COL5A3: variants seen among roughly 807,000 people sequenced by gnomAD.
The protein encoded by COL5A3 is collagen alpha-3(V) chain.
In COL5A3, 172 loss-of-function variants were observed where a neutral mutation model predicts 250.0. That is an observed-to-expected ratio of 0.69 (90% CI 0.61 to 0.78). The LOEUF (loss-of-function observed/expected upper bound fraction) is 0.78. Ranked by LOEUF, COL5A3 falls within the 30% of genes least tolerant of loss-of-function variation. COL5A3 has a pLI of 0.00. For missense variants in COL5A3, 2,340 were observed against 2,334.4 expected (o/e 1.00, Z -0.05); for synonymous variants, 937 against 900.4 (o/e 1.04, Z -0.73).
intron 19 of COL5A3, 111 bp from the exon 20 acceptor site, chr19:9,993,178 T>G: frequency 1.6e-6 from 2 of 1,251,910 alleles, no homozygotes; most frequent in Non-Finnish European, 2.3e-6. Flanking sequence ...CCAGGATCCC[T>G]GGGAACCTGC....
Position 9,968,038 on chromosome 19 carries a change from G to T in COL5A3, c.4356C>A (p.Pro1452=). The change falls in exon 60 of 67, where the codon CCC becomes CCA. Residue 1452 remains proline, a synonymous_variant. Coordinates refer to ENST00000264828, the MANE Select transcript of COL5A3 (RefSeq NM_015719.4). The surrounding 1 kb of genome is among the most constrained non-coding windows in gnomAD (Gnocchi z 4.1). ...CCTGCATACTCACCGCCACACCTGGGGGCCCAGGGTGGCCCAGAGAGCCAA... is the reference window on the plus strand; with the variant it reads ...CCTGCATACTCACCGCCACACCTGGTGGCCCAGGGTGGCCCAGAGAGCCAA... ...GPIGSLGHPG[P]PGVAGPLGQK... The T allele has an allele frequency of 1.9e-6, 3 of 1,590,836 alleles. No individual in the cohort carries two copies. The highest frequency in any genetic ancestry group is 2.6e-6 in the Non-Finnish European group (3 of 1,173,752).
At position 9,974,413 on chromosome 19, in the gene COL5A3, A is replaced by G. The variant is rs757453010; in HGVS notation, c.3343-5T>C. The G allele has an allele frequency of 6.3e-7, 1 of 1,576,310 alleles. No individual in the cohort carries two copies. The highest frequency in any genetic ancestry group is 1.2e-5 in the South Asian group (1 of 84,782). ...CCCCTGAGCCCCGTCTGCTCCCTGGAAGAACACAAACAGGGGCACATTTAA... is the reference window on the plus strand; with the variant it reads ...CCCCTGAGCCCCGTCTGCTCCCTGGGAGAACACAAACAGGGGCACATTTAA... On this transcript the variant is annotated splice_polypyrimidine_tract_variant and splice_region_variant and intron_variant, in intron 45 of 66. Transcript: ENST00000264828.
At chr19:9,964,425 C>T (rs1449784417) in intron 64 of COL5A3, among the ~76,000 whole-genome samples, 1 of 152,036 alleles carries the variant, frequency 6.6e-6, no homozygotes, top group East Asian at 1.9e-4. Flanking sequence ...CATAGTGAGA[C>T]CCTCATCTCT....
rs2145120289 is a variant in COL5A3, at chr19:9,991,651, G to T, written c.1951C>A (p.Leu651Ile). Residue 651 changes from leucine (L) to isoleucine (I), a missense_variant, in exon 24 of 67, where the codon CTC (leucine) becomes ATC (isoleucine). By Grantham distance (5) the Leu-to-Ile change is conservative. Transcript: ENST00000264828. The stretch of plus-strand genomic sequence containing the variant: ...CCAATGAGTCCCTGGGGACCGGGGA[G>T]TCCCTGGAGACAGAAAAAGAAGATG... ...GQQGNHGSQG[L>I]PGPQGLIGTP... 1 of 1,611,818 alleles carries T rather than the reference G, an allele frequency of 6.2e-7. No homozygotes were observed. Among genetic ancestry groups the T allele is most frequent in the East Asian group, 2.2e-5 (1 of 44,782 alleles).
Position 9,960,770 on chromosome 19 carries a change from G to C in COL5A3, c.4972C>G (p.Leu1658Val), listed in dbSNP as rs1175742072. 9 of 1,613,910 alleles carry C rather than the reference G, an allele frequency of 5.6e-6. No homozygotes were observed. Among genetic ancestry groups the C allele is most frequent in the African/African-American group, 1.3e-5 (1 of 74,908 alleles). ...CTGTAGTCACCCGTGGCTTCGTCCA[G>C]CCAGGCAGCTGCATTCTGGCAGGAG... ...TYSCQNAAAW[L>V]DEATGDYSHS... is the part of the protein sequence containing the mutation. The change falls in exon 66 of 67, where the codon CTG becomes GTG. Residue 1658 changes from leucine (L) to valine (V), a missense_variant. Transcript: ENST00000264828.
At chr19:9,960,975 G>A in intron 65 of COL5A3, 85 bp from the exon 66 acceptor site, 1 of 1,525,380 alleles carries the variant, frequency 6.6e-7, no homozygotes, top group East Asian at 2.3e-5. Context: ...TCCATCCACT[G>A]GCAGACAAGC....
chr19:9,964,529 A>T (rs59985791), intron 64 of COL5A3, among the ~76,000 whole-genome samples: 5,786 of 152,076 alleles, frequency 0.038, 345 homozygotes, highest in African/African-American at 0.13. Context: ...CATTGAACCC[A>T]GGAGGTTAAG....
In COL5A3 at chr19:9,993,394, C is replaced by T. The variant is rs758934853; in HGVS notation, c.1735G>A (p.Glu579Lys). The change falls in exon 19 of 67, where the codon GAG becomes AAG. Residue 579 changes from glutamate to lysine, a missense_variant. Transcript: ENST00000264828. ...TCCAAACTTACCCTCTCACCATCCTCTCCTGGGGGACCGGGTTGCCCCACA... is the reference window on the plus strand; with the variant it reads ...TCCAAACTTACCCTCTCACCATCCTTTCCTGGGGGACCGGGTTGCCCCACA... ...GHVGQPGPPGEDGERGAEGPP... is the reference protein window; with the variant it reads ...GHVGQPGPPGKDGERGAEGPP... 16 of 1,614,186 alleles carry T rather than the reference C, an allele frequency of 9.9e-6. No homozygotes were observed. The highest frequency in any genetic ancestry group is 2.2e-5 in the East Asian group (1 of 44,882).
chr19:9,961,570 T>TTC (rs1034034305), intron 65 of COL5A3, among the ~76,000 whole-genome samples: 1 of 150,200 alleles, frequency 6.7e-6, no homozygotes, highest in African/African-American at 2.5e-5. Flanking sequence ...TTTTTTTTTT[T>TTC]TTTTTTGAGA....
intron 64 of COL5A3, among the ~76,000 whole-genome samples, chr19:9,965,943 C>A (rs1272374079): frequency 6.6e-6 from 1 of 152,152 alleles, no homozygotes; most frequent in African/African-American, 2.4e-5. Flanking sequence ...AAAGGATCCT[C>A]CCGCCTCAGT....
At chr19:9,989,412 T>G in intron 25 of COL5A3, 46 bp from the exon 26 acceptor site, 1 of 1,613,946 alleles carries the variant, frequency 6.2e-7, no homozygotes, top group Non-Finnish European at 8.5e-7. Context: ...AACTTGCCAT[T>G]CCAATTCCCA....
rs980741820 is a variant in COL5A3, at chr19:9,966,553, T to C, written c.4652A>G (p.His1551Arg). The C allele has an allele frequency of 6.5e-7, 1 of 1,540,376 alleles. No individual in the cohort carries two copies. The highest frequency in any genetic ancestry group is 1.4e-5 in the African/African-American group (1 of 72,742). Reference protein sequence around the residue: ...GLVCHELHRNHPHLPDGEYWI... With the variant: ...GLVCHELHRNRPHLPDGEYWI... Reference sequence around the variant, plus strand: ...GACCTCACCATCAGGCAGGTGCGGGTGGTTGCGGTGCAGCTCGTGGCACAC... The same window carrying C: ...GACCTCACCATCAGGCAGGTGCGGGCGGTTGCGGTGCAGCTCGTGGCACAC... The change falls in exon 63 of 67, where the codon CAC (histidine) becomes CGC (arginine). Residue 1551 changes from histidine to arginine, a missense_variant. Transcript: ENST00000264828.
Position 9,979,370 on chromosome 19 carries a change from G to T in COL5A3, c.2760C>A (p.Gly920=). 6.2e-7 allele frequency: 1 copy of T among 1,614,106 alleles called. No individual in the cohort carries two copies. The highest frequency in any genetic ancestry group is 8.5e-7 in the Non-Finnish European group (1 of 1,180,006). The part of the protein sequence containing the change: ...TGPPGPAGVL[G]PQGKTGEVGP... ...TTATGGAGTCCACTCTGACCTGAGG[G>T]CCTAAGACACCAGCTGGTCCAGGCG... Residue 920 remains glycine (G), a synonymous_variant, in exon 38 of 67, where the codon GGC becomes GGA. Coordinates refer to ENST00000264828, the MANE Select transcript of COL5A3 (RefSeq NM_015719.4).
At chr19:9,980,339 C>T (rs76520983) in intron 35 of COL5A3, among the ~76,000 whole-genome samples, 3 of 152,154 alleles carry the variant, frequency 2.0e-5, no homozygotes, top group Admixed American at 6.5e-5. Flanking sequence ...ACTCATGGCT[C>T]TCTGACTTCA....
Position 9,982,128 on chromosome 19 carries a change from G to A in COL5A3, c.2407-10C>T, listed in dbSNP as rs2087020435. On this transcript the variant is annotated splice_polypyrimidine_tract_variant and intron_variant, in intron 31 of 66. Coordinates refer to ENST00000264828, the MANE Select transcript of COL5A3 (RefSeq NM_015719.4). The stretch of plus-strand genomic sequence containing the variant: ...GAAATCCAATAGATCCCTGAGTGGA[G>A]AGAATTAGAAAGAAGACATGAGGGT... 6 of 1,590,150 alleles carry A rather than the reference G, an allele frequency of 3.8e-6. No individual in the cohort carries two copies. The highest frequency in any genetic ancestry group is 5.1e-6 in the Non-Finnish European group (6 of 1,167,526).
In COL5A3 at chr19:10,004,789, T is replaced by C. The variant is rs574868605; in HGVS notation, c.595-644A>G. 1.1e-4 allele frequency among the ~76,000 whole-genome samples: 16 copies of C among 152,200 alleles called. No homozygotes were observed. The East Asian group carries it at 2.7e-3, about 26-fold the overall frequency. ...CAAAGGTCTCCACACCCAGAACACA[T>C]ATCACACAACCACACAACACAGCTG... On this transcript the variant is annotated intron_variant, in intron 4 of 66. Coordinates refer to ENST00000264828, the MANE Select transcript of COL5A3 (RefSeq NM_015719.4).
In COL5A3 at chr19:9,968,345, C is replaced by A; in HGVS notation, c.4314+40G>T. 6 of 1,437,796 alleles carry A rather than the reference C, an allele frequency of 4.2e-6. No homozygotes were observed. Among genetic ancestry groups the A allele is most frequent in the South Asian group, 1.2e-5 (1 of 84,036 alleles). 89.1% of individuals were successfully genotyped at this position (1,437,796 alleles called of 1,614,324 possible). Reference sequence around the variant, plus strand: ...CCCACAGTCTCTCAACCGACCCCCTCCTTCAAATGCATTCTTCCCGCTCAG... The same window carrying A: ...CCCACAGTCTCTCAACCGACCCCCTACTTCAAATGCATTCTTCCCGCTCAG... On this transcript the variant is annotated intron_variant, in intron 59 of 66. Transcript: ENST00000264828. The surrounding 1 kb of genome is among the most constrained non-coding windows in gnomAD (Gnocchi z 4.1).
chr19:9,981,274 C>G (rs1022163883), intron 32 of COL5A3, 142 bp from the exon 33 acceptor site: 4 of 710,482 alleles, frequency 5.6e-6, no homozygotes, highest in Non-Finnish European at 7.5e-6. Context: ...TACACATACA[C>G]ACAAATACAA....
rs189710053 is a variant in COL5A3 at position 9,996,059 on chromosome 19, G to C, written c.1533+7C>G. On this transcript the variant is annotated splice_region_variant and intron_variant, in intron 15 of 66. Coordinates refer to ENST00000264828, the MANE Select transcript of COL5A3 (RefSeq NM_015719.4). ...ATCCTATCCTGCCCTATCTCCACAA[G>C]TCTCACCTGTGGCCCTTCTGCTCCC... 6 of 1,570,564 alleles carry C rather than the reference G, an allele frequency of 3.8e-6. No homozygotes were observed. In the Admixed American group the frequency reaches 9.4e-5, roughly 25 times the overall value.
Sources: gnomAD v4.1 joint callset for allele counts (sites outside exome capture counted in the v4.1 genomes callset) on GRCh38, gnomAD v4.1.1 for gene constraint, Gnocchi (gnomAD v3.1) non-coding constraint, MANE v1.5 for transcripts, NCBI Gene and HGNC (gene_info 2026-07-23, HGNC 2026-07-21) for gene names.